The following SACS variants were observed in gnomAD, a reference collection of about 807,000 sequenced individuals.
The protein encoded by SACS is sacsin.
In SACS, 197 loss-of-function variants were observed where a neutral mutation model predicts 348.0. The observed-to-expected ratio is 0.57, with a 90% CI of 0.50 to 0.64. The LOEUF is 0.64. SACS is among the 30% of genes least tolerant of loss of function. The pLI, the probability that SACS is intolerant of heterozygous loss-of-function variation, is 0.00. For synonymous variants in SACS, 1,985 were observed against 1,910.6 expected (o/e 1.04, Z -1.02); for missense variants, 4,999 against 5,360.8 (o/e 0.93, Z 2.11).
intron 2 of SACS, among the ~76,000 whole-genome samples, chr13:23,394,235 C>A (rs958219648): frequency 6.6e-6 from 1 of 152,160 alleles, no homozygotes; most frequent in African/African-American, 2.4e-5. Flanking sequence ...GTCCTGGGGC[C>A]CTGTCTTTGG....
chr13:23,354,796 C>T lies in SACS; in HGVS notation c.1816G>A (p.Gly606Arg). The change falls in exon 8 of 10, where the codon GGG becomes AGG. Residue 606 changes from glycine to arginine, a missense_variant. By Grantham distance (125) the Gly-to-Arg change is moderately radical. Coordinates refer to ENST00000382292, the MANE Select transcript of SACS (RefSeq NM_014363.6). ...AGCTGAACAGCAGCATCCACATTCC[C>T]TGGTACCTTGGCAATCTGCTTCCCT... ...SSGKQIAKVP[G>R]NVDAAVQLTA... The T allele has an allele frequency of 6.2e-7, 1 of 1,614,236 alleles. No homozygotes were observed. The highest frequency in any genetic ancestry group is 8.5e-7 in the Non-Finnish European group (1 of 1,180,040).
At chr13:23,399,440 A>T (rs1872859556) in intron 2 of SACS, among the ~76,000 whole-genome samples, 2 of 152,034 alleles carry the variant, frequency 1.3e-5, no homozygotes, top group Admixed American at 6.6e-5. Flanking sequence ...TCCCGCCGAA[A>T]CTACCCTTCC....
rs150683286 is a variant in SACS, at chr13:23,355,439, A to G, written c.1173T>C (p.Ser391=). ...EESTKDAQKT[S]WLVCNSVGGR... The stretch of plus-strand genomic sequence containing the variant: ...CACCCACACTGTTACACACCAACCA[A>G]GATGTTTTCTGTGCATCCTTAGTAC... The change falls in exon 8 of 10, where the codon TCT becomes TCC. Residue 391 remains serine, a synonymous_variant. Coordinates refer to ENST00000382292, the MANE Select transcript of SACS (RefSeq NM_014363.6). 6.2e-7 allele frequency: 1 copy of G among 1,614,004 alleles called. No individual in the cohort carries two copies. Among genetic ancestry groups the G allele is most frequent in the Non-Finnish European group, 8.5e-7 (1 of 1,180,014 alleles).
At chr13:23,399,146 C>T (rs775657824) in intron 2 of SACS, among the ~76,000 whole-genome samples, 9 of 151,932 alleles carry the variant, frequency 5.9e-5, no homozygotes, top group East Asian at 1.9e-4. Context: ...TAAATCTAAA[C>T]GGCATCAGCC....
Position 23,418,678 on chromosome 13 carries a change from GTAT to G in SACS, c.-501-6941_-501-6939del, listed in dbSNP as rs1301322333. ...CTGCCACCAAGCCCAGCTAATTTTT[GTAT>G]TTTTAGTAGAGAGGGGATTCACCAT... On this transcript the variant is annotated intron_variant, in intron 1 of 9. Transcript: ENST00000382292. 2.6e-5 allele frequency among the ~76,000 whole-genome samples: 4 copies of G among 152,120 alleles called. No individual in the cohort carries two copies. In the East Asian group the frequency reaches 7.7e-4, roughly 29 times the overall value.
intron 1 of SACS, among the ~76,000 whole-genome samples, chr13:23,420,640 G>T (rs1396189983): frequency 1.3e-5 from 2 of 152,140 alleles, no homozygotes; most frequent in African/African-American, 2.4e-5. Context: ...CTAGTGCCTA[G>T]TGTCCACCTG....
chr13:23,424,676 TC>T (rs1874095319), intron 1 of SACS, among the ~76,000 whole-genome samples: 1 of 152,112 alleles, frequency 6.6e-6, no homozygotes, highest in African/African-American at 2.4e-5. Context: ...TGAAGCAAGT[TC>T]CAAACACATG....
chr13:23,380,148 TGAGAGA>T (rs1555257299), intron 2 of SACS, among the ~76,000 whole-genome samples: 1 of 147,672 alleles, frequency 6.8e-6, no homozygotes, highest in African/African-American at 2.5e-5. Flanking sequence ...TGTGTGTGTG[TGAGAGA>T]GAGAGAGAGA....
intron 2 of SACS, among the ~76,000 whole-genome samples, chr13:23,405,709 C>T (rs183101188): frequency 2.0e-5 from 3 of 151,358 alleles, no homozygotes; most frequent in Admixed American, 1.3e-4. Context: ...AAAAAAAAAA[C>T]CCCATTAAAA....
Position 23,331,047 on chromosome 13 carries a change from G to A in SACS, c.12829C>T (p.Pro4277Ser), listed in dbSNP as rs370655945. The A allele has an allele frequency of 2.9e-4, 463 of 1,614,050 alleles. 5 individuals are homozygous for A. In the South Asian group the frequency reaches 4.8e-3, roughly 17 times the overall value. The change falls in exon 10 of 10, where the codon CCT (proline) becomes TCT (serine). Residue 4277 changes from proline to serine, a missense_variant. By Grantham distance (74) the Pro-to-Ser change is moderately conservative. Coordinates refer to ENST00000382292, the MANE Select transcript of SACS (RefSeq NM_014363.6). ...CTCTCTCTACCAGAGAAAAGAGGAG[G>A]AATGCTTCTCAGGCCAGGGGTGAGG... ...EFLTPGLRSI[P>S]PLFSGRESHK...
At chr13:23,361,064 CT>C (rs1870704510) in intron 6 of SACS, among the ~76,000 whole-genome samples, 1 of 152,070 alleles carries the variant, frequency 6.6e-6, no homozygotes. Flanking sequence ...GGTTTTTTGA[CT>C]GTCAGAACTG....
Position 23,375,254 on chromosome 13 carries a change from G to C in SACS, c.36C>G (p.Thr12=). ...TGCAGCCCACGCAGCCGGGGAGCAC[G>C]GTCACCGGGACCCACCTGTGGAAAG... The part of the protein sequence containing the change: ...ETKENRWVPV[T]VLPGCVGCRT... The change falls in exon 3 of 10, where the codon ACC becomes ACG. Residue 12 remains threonine (T), a synonymous_variant. Transcript: ENST00000382292. The C allele has an allele frequency of 1.4e-6, 2 of 1,478,158 alleles. No homozygotes were observed. The highest frequency in any genetic ancestry group is 1.3e-5 in the South Asian group (1 of 76,010). 91.6% of individuals were successfully genotyped at this position (1,478,158 alleles called of 1,614,324 possible). A position where few individuals can be genotyped will look rare whatever the true frequency, so the allele number is the denominator to read the frequency against.
At chr13:23,424,399 C>A (rs1429429753) in intron 1 of SACS, among the ~76,000 whole-genome samples, 1 of 152,150 alleles carries the variant, frequency 6.6e-6, no homozygotes, top group East Asian at 1.9e-4. Flanking sequence ...GTGGCGCATG[C>A]CTGTAATCCC....
intron 5 of SACS, among the ~76,000 whole-genome samples, chr13:23,366,309 T>A (rs1041955206): frequency 2.5e-4 from 38 of 152,142 alleles, no homozygotes; most frequent in Non-Finnish European, 1.6e-4. Context: ...TTGTGCTCAG[T>A]TCACCCAGTG....
chr13:23,356,182 C>A (rs565426327), intron 7 of SACS, among the ~76,000 whole-genome samples, 175 bp from the exon 8 acceptor site: 4 of 152,306 alleles, frequency 2.6e-5, no homozygotes, highest in Admixed American at 1.3e-4. Context: ...AAAATGATTT[C>A]TCTTTTGATT....
In SACS at chr13:23,340,912, G is replaced by A; in HGVS notation, c.2964C>T (p.Thr988=). The change falls in exon 10 of 10, where the codon ACC becomes ACT. Residue 988 remains threonine, a synonymous_variant. Transcript: ENST00000382292. ...TTAAAACAAGCTTTAAGCAGCTAGT[G>A]GTCTTTAACTGTTCTATTTTCAACA... ...ANMLKIEQLK[T]TSCLKLVLKD... The A allele has an allele frequency of 6.2e-7, 1 of 1,613,520 alleles. No homozygotes were observed. The highest frequency in any genetic ancestry group is 1.1e-5 in the South Asian group (1 of 91,070).
At chr13:23,343,727 A>C (rs1869421773) in intron 9 of SACS, among the ~76,000 whole-genome samples, 1 of 152,128 alleles carries the variant, frequency 6.6e-6, no homozygotes, top group Non-Finnish European at 1.5e-5. Flanking sequence ...AAAATATTAT[A>C]AGAGGAATCC....
At chr13:23,384,539 A>G (rs187045041) in intron 2 of SACS, among the ~76,000 whole-genome samples, 1 of 152,346 alleles carries the variant, frequency 6.6e-6, no homozygotes, top group Admixed American at 6.5e-5. Context: ...TATTGGACAG[A>G]TATTAATAAA....
chr13:23,337,477 A>G lies in SACS; in HGVS notation c.6399T>C (p.Tyr2133=), dbSNP rs775060182. 5.6e-6 allele frequency: 9 copies of G among 1,613,800 alleles called. No individual in the cohort carries two copies. The highest frequency in any genetic ancestry group is 3.3e-5 in the Admixed American group (2 of 59,992). ...GATTGAGATAATCCTGAGTAGAACC[A>G]TAAGGGAATCTCCCATCTTTAATAT... is the stretch of plus-strand genomic sequence containing the variant. ...LFDIKDGRFP[Y]GSTQDYLNPI... Residue 2133 remains tyrosine, a synonymous_variant, in exon 10 of 10, where the codon TAT becomes TAC. Coordinates refer to ENST00000382292, the MANE Select transcript of SACS (RefSeq NM_014363.6).
Sources: allele counts gnomAD v4.1 joint callset (sites outside exome capture counted in the v4.1 genomes callset), GRCh38; gene constraint gnomAD v4.1.1; transcripts MANE v1.5; gene names NCBI Gene and HGNC (gene_info 2026-07-23, HGNC 2026-07-21).